Variants in FLT1 observed in about 807,000 individuals in gnomAD.
The protein encoded by FLT1 is vascular endothelial growth factor receptor 1.
FLT1 carries 49 observed loss-of-function variants against 156.3 expected under a neutral mutation model. The ratio of observed to expected loss-of-function variants is 0.31; its 90% confidence interval spans 0.25 to 0.40. The LOEUF (loss-of-function observed/expected upper bound fraction) is 0.40. FLT1 is among the 10% of genes least tolerant of loss of function. The probability of loss-of-function intolerance (pLI) is 1.00; values close to 1 mark genes in which losing one functional copy is unlikely to be tolerated. For synonymous variants in FLT1, 594 were observed against 583.8 expected (o/e 1.02, Z -0.25); for missense variants, 1,322 against 1,637.2 (o/e 0.81, Z 3.32).
At chr13:28,394,344 C>T (rs973958584) in intron 12 of FLT1, among the ~76,000 whole-genome samples, 1 of 152,110 alleles carries the variant, frequency 6.6e-6, no homozygotes, top group Non-Finnish European at 1.5e-5. Flanking sequence ...ATGTCTGAAT[C>T]GAATTCTCAT....
chr13:28,410,998 G>A (rs113060057), intron 10 of FLT1, among the ~76,000 whole-genome samples: 2,196 of 152,174 alleles, frequency 0.014, 45 homozygotes, highest in African/African-American at 0.05. Context: ...AGAGTCACCT[G>A]TTACAGAGGA....
rs923638472 is a variant in FLT1 at position 28,302,307 on chromosome 13, T to C, written c.*860A>G. ...CATCATGGCCTGGAGACAACCTAAC[T>C]CTGGCTAAGTTTTCAGTGCATCTTA... On this transcript the variant is annotated 3_prime_UTR_variant, in exon 30 of 30. Transcript: ENST00000282397. The C allele has an allele frequency of 4.3e-6, 1 of 233,168 alleles. No homozygotes were observed. The highest frequency in any genetic ancestry group is 8.5e-6 in the Non-Finnish European group (1 of 118,058). The allele number at this position is 233,168 out of a possible 1,614,324, so 14.4% of individuals were successfully genotyped here.
chr13:28,348,190 A>G (rs982838926), intron 15 of FLT1, among the ~76,000 whole-genome samples: 2 of 152,258 alleles, frequency 1.3e-5, no homozygotes, highest in Middle Eastern at 3.4e-3. Context: ...ATCAGTTCTC[A>G]CCAGGACTAC....
At chr13:28,386,586 C>A in intron 13 of FLT1, 3 of 1,055,842 alleles carry the variant, frequency 2.8e-6, no homozygotes, top group Non-Finnish European at 3.4e-6. Context: ...ATCTTGCCCA[C>A]TAAGCAGAAC....
At chr13:28,308,416 C>A in intron 28 of FLT1, 1 of 272,928 alleles carries the variant, frequency 3.7e-6, no homozygotes, top group South Asian at 4.5e-5. Flanking sequence ...TCTGTAGAAC[C>A]TCAGGGGAAA....
chr13:28,489,393 G>C (rs750853879), intron 1 of FLT1, among the ~76,000 whole-genome samples: 1 of 151,992 alleles, frequency 6.6e-6, no homozygotes, highest in African/African-American at 2.4e-5. Flanking sequence ...AGGTGCCAGC[G>C]GTCTAAGGAC....
chr13:28,309,024 C>A (rs983790658), intron 27 of FLT1, 97 bp from the exon 28 acceptor site: 9 of 732,556 alleles, frequency 1.2e-5, no homozygotes, highest in Admixed American at 3.9e-5. Flanking sequence ...TAAGATGAAC[C>A]AACACACCAA....
At chr13:28,418,390 G>A (rs1054567673) in intron 10 of FLT1, among the ~76,000 whole-genome samples, 3 of 152,000 alleles carry the variant, frequency 2.0e-5, no homozygotes, top group Non-Finnish European at 4.4e-5. Flanking sequence ...TCAACAGATG[G>A]GTCAGCTCTA....
intron 14 of FLT1, among the ~76,000 whole-genome samples, chr13:28,375,286 A>G (rs1873793069): frequency 2.0e-5 from 3 of 152,254 alleles, no homozygotes. Flanking sequence ...CTGAATATAA[A>G]TTATAGAACT....
In FLT1 at chr13:28,373,725, T is replaced by A. The variant is rs116097760; in HGVS notation, c.2116+11160A>T. Among the ~76,000 whole-genome samples the A allele has an allele frequency of 8.1e-3, 1,228 of 152,280 alleles. 18 individuals carry two copies. The highest frequency in any genetic ancestry group is 0.027 in the African/African-American group (1,142 of 41,548). On this transcript the variant is annotated intron_variant, in intron 14 of 29. Coordinates refer to ENST00000282397, the MANE Select transcript of FLT1 (RefSeq NM_002019.4). Reference sequence around the variant, plus strand: ...GGAATTTGTTGATTAGGGATTGAGATCCCTCTCACTCTAAGAGCCCAGGCA... The same window carrying A: ...GGAATTTGTTGATTAGGGATTGAGAACCCTCTCACTCTAAGAGCCCAGGCA...
chr13:28,369,989 C>T (rs1009484775), intron 14 of FLT1, among the ~76,000 whole-genome samples: 2 of 152,036 alleles, frequency 1.3e-5, no homozygotes, highest in African/African-American at 4.8e-5. Context: ...AGCTTGAGCC[C>T]AGGAGTTCAG....
chr13:28,329,832 T>C (rs191666699), intron 18 of FLT1, 104 bp from the exon 19 acceptor site: 22 of 892,176 alleles, frequency 2.5e-5, no homozygotes, highest in East Asian at 1.5e-4. Context: ...AGCCGGTTGC[T>C]TCACTAACTT....
intron 10 of FLT1, among the ~76,000 whole-genome samples, chr13:28,408,079 C>T (rs1303742519): frequency 6.6e-6 from 1 of 152,188 alleles, no homozygotes; most frequent in African/African-American, 2.4e-5. Context: ...CTAAAGTTCT[C>T]TTGTATCTGG....
chr13:28,487,550 C>G (rs535609163), intron 1 of FLT1, among the ~76,000 whole-genome samples: 2 of 152,114 alleles, frequency 1.3e-5, no homozygotes, highest in African/African-American at 4.8e-5. Flanking sequence ...CTGTGAGCAC[C>G]GTGATAATCT....
At chr13:28,406,569 G>A (rs188707608) in intron 10 of FLT1, among the ~76,000 whole-genome samples, 18 of 152,100 alleles carry the variant, frequency 1.2e-4, no homozygotes, top group African/African-American at 3.1e-4. Flanking sequence ...AAGCTTGCTG[G>A]TCTCTAATTT....
chr13:28,434,295 G>T, intron 4 of FLT1, 75 bp from the exon 5 acceptor site: 1 of 1,371,162 alleles, frequency 7.3e-7, no homozygotes, highest in Non-Finnish European at 1.0e-6. Context: ...AGCAGTTTGT[G>T]AAAACATGAT....
chr13:28,490,639 A>C (rs1356439683), intron 1 of FLT1, among the ~76,000 whole-genome samples: 1 of 152,146 alleles, frequency 6.6e-6, no homozygotes, highest in Admixed American at 6.5e-5. Flanking sequence ...CATTTCTTAC[A>C]AGCCTCTCCT....
intron 18 of FLT1, among the ~76,000 whole-genome samples, chr13:28,330,329 T>G (rs952126062): frequency 6.6e-6 from 1 of 152,180 alleles, no homozygotes; most frequent in Non-Finnish European, 1.5e-5. Flanking sequence ...ATTAGCAGAG[T>G]CTAAAGCCTA....
chr13:28,472,192 C>G (rs974710458), intron 1 of FLT1, among the ~76,000 whole-genome samples: 1 of 152,204 alleles, frequency 6.6e-6, no homozygotes, highest in African/African-American at 2.4e-5. Flanking sequence ...GTAGAGTGTT[C>G]TAAAATGCCA....
Sources: allele counts gnomAD v4.1 joint callset (sites outside exome capture counted in the v4.1 genomes callset), GRCh38; gene constraint gnomAD v4.1.1; transcripts MANE v1.5; gene names NCBI Gene and HGNC (gene_info 2026-07-23, HGNC 2026-07-21).